FRMPD4: variants seen among roughly 807,000 people sequenced by gnomAD.
FRMPD4 encodes FERM and PDZ domain containing 4.
A neutral mutation model predicts 94.1 loss-of-function variants in FRMPD4; 22 were observed. The ratio of observed to expected loss-of-function variants is 0.23; its 90% CI spans 0.17 to 0.33. The LOEUF is 0.33. Ranked by LOEUF, FRMPD4 falls within the 10% of genes least tolerant of loss-of-function variation. FRMPD4 has a pLI of 1.00. For synonymous variants in FRMPD4, 631 were observed against 548.6 expected, an observed-to-expected ratio of 1.15 and a Z score of -2.10; for missense variants, 1,111 against 1,339.9, an observed-to-expected ratio of 0.83 and a Z score of 2.67.
At position 12,418,350 on chromosome X, in the gene FRMPD4, C is replaced by CTTT. The variant is rs540740432; in HGVS notation, c.42-80314_42-80312dup. Among the ~76,000 whole-genome samples the CTTT allele has an allele frequency of 7.0e-4, 57 of 80,994 alleles. 1 individual carries two copies. Among genetic ancestry groups the CTTT allele is most frequent in the African/African-American group, 1.7e-3 (36 of 20,935 alleles). The allele number at this position is 80,994 out of a possible 115,157, so 70.3% of individuals were successfully genotyped here. ...TTTGAGCATCCATCAGTGTTTCTTT[C>CTTT]TTTTTTTTTTTTTTTTTTCTTTTTT... On this transcript the variant is annotated intron_variant, in intron 1 of 16. Transcript: ENST00000675598.
intron 7 of FRMPD4, among the ~76,000 whole-genome samples, chrX:12,689,743 T>A (rs1340780926): frequency 1.8e-5 from 2 of 112,910 alleles, no homozygotes; most frequent in Non-Finnish European, 3.7e-5. Flanking sequence ...CCATTAAAAC[T>A]TTATTTACAA....
At chrX:12,593,118 T>C (rs2148396407) in intron 2 of FRMPD4, among the ~76,000 whole-genome samples, 1 of 112,220 alleles carries the variant, frequency 8.9e-6, no homozygotes, top group East Asian at 2.8e-4. Flanking sequence ...TTTCTATTTC[T>C]TGATTTTGTT....
At chrX:12,413,149 G>A (rs111622385) in intron 1 of FRMPD4, among the ~76,000 whole-genome samples, 2,638 of 111,342 alleles carry the variant, frequency 0.024, 89 homozygotes, top group African/African-American at 0.082. Context: ...GTTTAAAGCC[G>A]GTATGCTTTT....
intron 3 of FRMPD4, among the ~76,000 whole-genome samples, chrX:12,055,918 G>A (rs923137672): frequency 9.0e-6 from 1 of 111,377 alleles, no homozygotes; most frequent in Admixed American, 9.5e-5. Context: ...TGGGCCTTGT[G>A]GGTACAGAAT....
chrX:12,458,153 C>T (rs190828115), intron 1 of FRMPD4, among the ~76,000 whole-genome samples: 11 of 111,671 alleles, frequency 9.9e-5, no homozygotes. Context: ...GTTTCCTTGG[C>T]CAAAAACCTC....
intron 1 of FRMPD4, among the ~76,000 whole-genome samples, chrX:12,194,516 T>C (rs2056544152): frequency 9.0e-6 from 1 of 111,457 alleles, no homozygotes; most frequent in African/African-American, 3.3e-5. Flanking sequence ...TGCCCCGTTA[T>C]GAAGTGTGTT....
At chrX:12,237,891 C>T (rs1156647815) in intron 1 of FRMPD4, among the ~76,000 whole-genome samples, 2 of 112,134 alleles carry the variant, frequency 1.8e-5, no homozygotes, top group African/African-American at 6.5e-5. Context: ...GTTAAATAAA[C>T]TCTTTTAGGT....
intron 1 of FRMPD4, among the ~76,000 whole-genome samples, chrX:11,859,844 C>T (rs932810407): frequency 8.9e-6 from 1 of 112,031 alleles, no homozygotes; most frequent in Admixed American, 9.5e-5. Context: ...GCCCTGTCAA[C>T]CCCTAGCTGC....
chrX:12,150,682 C>A (rs2055836511), intron 1 of FRMPD4, among the ~76,000 whole-genome samples: 1 of 111,738 alleles, frequency 8.9e-6, no homozygotes, highest in Non-Finnish European at 1.9e-5. Flanking sequence ...CTTTTACAAT[C>A]AGAAAAATCT....
rs759923076 is a variant in FRMPD4, at chrX:12,469,159, T to C, written c.42-29521T>C. On this transcript the variant is annotated intron_variant, in intron 1 of 16. Coordinates refer to ENST00000675598, the MANE Select transcript of FRMPD4 (RefSeq NM_001368397.1). ...GAGTTAAAATATAAAATTTCGATCA[T>C]CTCTGAGAAATCAGAAAGTAGAACT... 3.6e-5 allele frequency among the ~76,000 whole-genome samples: 4 copies of C among 112,184 alleles called. No individual in the cohort carries two copies. The Admixed American group carries it at 3.8e-4, about 11-fold the overall frequency.
intron 3 of FRMPD4, among the ~76,000 whole-genome samples, chrX:12,112,635 T>C (rs1442274838): frequency 8.9e-6 from 1 of 112,157 alleles, no homozygotes; most frequent in Non-Finnish European, 1.9e-5. Flanking sequence ...ATTTTCATTT[T>C]ATAATAATGT....
At chrX:12,414,003 T>C (rs887948120) in intron 1 of FRMPD4, among the ~76,000 whole-genome samples, 5 of 112,864 alleles carry the variant, frequency 4.4e-5, no homozygotes, top group African/African-American at 1.6e-4. Context: ...TGTTATGAGA[T>C]GGTGGCCTTC....
chrX:11,951,250 C>T (rs1345812178), intron 3 of FRMPD4, among the ~76,000 whole-genome samples: 1 of 110,203 alleles, frequency 9.1e-6, no homozygotes, highest in Non-Finnish European at 1.9e-5. Flanking sequence ...GGTTACATAC[C>T]CCCCAAAAAT....
intron 2 of FRMPD4, among the ~76,000 whole-genome samples, chrX:12,527,079 G>C (rs1355632999): frequency 9.0e-6 from 1 of 111,507 alleles, no homozygotes; most frequent in Non-Finnish European, 1.9e-5. Flanking sequence ...TGGAAAGCTG[G>C]AAAAAAAATA....
At chrX:12,534,579 A>T (rs1200720028) in intron 2 of FRMPD4, among the ~76,000 whole-genome samples, 1 of 112,550 alleles carries the variant, frequency 8.9e-6, no homozygotes, top group African/African-American at 3.2e-5. Context: ...AGACCATGGG[A>T]ACCTACCTCT....
Position 12,508,279 on chromosome X carries a change from C to CT in FRMPD4, c.158+9495dup, listed in dbSNP as rs62716660. On this transcript the variant is annotated intron_variant, in intron 2 of 16. Transcript: ENST00000675598. ...CTCATGAGAGGTTCCTCAGGTGGTT[C>CT]TTTTTTTTTTTTAAGCTCAACATTT... Among the ~76,000 whole-genome samples the CT allele has an allele frequency of 1.5e-4, 16 of 103,351 alleles. 1 individual carries two copies. The highest frequency in any genetic ancestry group is 8.9e-4 in the South Asian group (2 of 2,246). The allele number at this position is 103,351 out of a possible 115,157, so 89.7% of individuals were successfully genotyped here. A position where few individuals can be genotyped will look rare whatever the true frequency, so the allele number is the denominator to read the frequency against.
At chrX:12,307,843 C>A (rs2054967617) in intron 1 of FRMPD4, among the ~76,000 whole-genome samples, 1 of 111,569 alleles carries the variant, frequency 9.0e-6, no homozygotes, top group Admixed American at 9.5e-5. Context: ...ACACATGAGG[C>A]AGACCGAGGG....
At chrX:12,239,621 G>A (rs1454134986) in intron 1 of FRMPD4, among the ~76,000 whole-genome samples, 3 of 112,198 alleles carry the variant, frequency 2.7e-5, no homozygotes, top group Non-Finnish European at 1.9e-5. Flanking sequence ...GCTAAGTGTG[G>A]CCTGTGGGTT....
chrX:11,961,569 C>G (rs2054283498), intron 3 of FRMPD4, among the ~76,000 whole-genome samples: 3 of 112,081 alleles, frequency 2.7e-5, no homozygotes, highest in Admixed American at 1.9e-4. Context: ...GACACCTGGT[C>G]CCTGGGAAAC....
Sources: gnomAD v4.1 joint callset for allele counts (sites outside exome capture counted in the v4.1 genomes callset) on GRCh38, gnomAD v4.1.1 for gene constraint, MANE v1.5 for transcripts, NCBI Gene and HGNC (gene_info 2026-07-23, HGNC 2026-07-21) for gene names.